The following GAS2 variants were observed in gnomAD, a reference collection of about 807,000 sequenced individuals.
GAS2 encodes the protein growth arrest specific 2.
A neutral mutation model predicts 37.5 loss-of-function variants in GAS2; 20 were observed. The ratio of observed to expected loss-of-function variants is 0.53; its 90% CI spans 0.37 to 0.77. GAS2 has a LOEUF of 0.77. Ranked by LOEUF, GAS2 falls within the 30% of genes least tolerant of loss-of-function variation. The pLI, the probability that GAS2 is intolerant of heterozygous loss-of-function variation, is 0.00. For missense variants in GAS2, 336 were observed against 373.4 expected, an observed-to-expected ratio of 0.90 and a Z score of 0.82; for synonymous variants, 144 against 132.2, an observed-to-expected ratio of 1.09 and a Z score of -0.61.
chr11:22,667,517 C>G (rs1014297696), intron 1 of GAS2, among the ~76,000 whole-genome samples: 5 of 152,146 alleles, frequency 3.3e-5, no homozygotes, highest in African/African-American at 1.2e-4. Context: ...TATCAACACA[C>G]TTTGGGGAGA....
chr11:22,681,152 G>T (rs1467102945), intron 2 of GAS2, among the ~76,000 whole-genome samples: 3 of 152,138 alleles, frequency 2.0e-5, no homozygotes, highest in Non-Finnish European at 4.4e-5. Context: ...AAGATTAAAA[G>T]GATTATTTTT....
rs184076913 is a variant in GAS2 at position 22,812,296 on chromosome 11, G to T, written c.*280G>T. 1 of 288,828 alleles carries T rather than the reference G, an allele frequency of 3.5e-6. No homozygotes were observed. Among genetic ancestry groups the T allele is most frequent in the Non-Finnish European group, 6.4e-6 (1 of 155,190 alleles). The allele number at this position is 288,828 out of a possible 1,614,324, so 17.9% of individuals were successfully genotyped here. The stretch of plus-strand genomic sequence containing the variant: ...ACACAGTATTTAGAACACAATATTA[G>T]AAACACAATTCTAACTAAAGATAAA... On this transcript the variant is annotated 3_prime_UTR_variant, in exon 8 of 8. Coordinates refer to ENST00000454584, the MANE Select transcript of GAS2 (RefSeq NM_001143830.3).
At chr11:22,640,930 G>A (rs1244442143) in intron 1 of GAS2, among the ~76,000 whole-genome samples, 2 of 152,010 alleles carry the variant, frequency 1.3e-5, no homozygotes, top group African/African-American at 4.8e-5. Context: ...CTAAATTTGT[G>A]TAAATAGGAC....
At chr11:22,670,660 C>A (rs1387342411) in intron 1 of GAS2, among the ~76,000 whole-genome samples, 4 of 152,008 alleles carry the variant, frequency 2.6e-5, no homozygotes, top group Admixed American at 6.5e-5. Flanking sequence ...CAAGCATTGG[C>A]ACAAATATTT....
intron 1 of GAS2, among the ~76,000 whole-genome samples, chr11:22,633,859 C>G (rs1172707131): frequency 6.6e-6 from 1 of 152,158 alleles, no homozygotes; most frequent in East Asian, 1.9e-4. Flanking sequence ...ATGACTCTAT[C>G]CCTCATGTAA....
intron 1 of GAS2, among the ~76,000 whole-genome samples, chr11:22,654,106 A>G (rs1848829113): frequency 6.6e-6 from 1 of 152,220 alleles, no homozygotes; most frequent in Non-Finnish European, 1.5e-5. Flanking sequence ...TAAACCCACA[A>G]TACAGTGCTT....
intron 3 of GAS2, among the ~76,000 whole-genome samples, chr11:22,714,574 ATTCTT>A (rs1851569982): frequency 6.6e-6 from 1 of 152,196 alleles, no homozygotes; most frequent in African/African-American, 2.4e-5. Flanking sequence ...CAGAATAAAG[ATTCTT>A]TTCTTCAACA....
chr11:22,756,072 G>A (rs1854019444), intron 7 of GAS2, 119 bp downstream of exon 7: 1 of 663,226 alleles, frequency 1.5e-6, no homozygotes, highest in African/African-American at 1.8e-5. Context: ...AAGATACATG[G>A]TATGAATTTT....
chr11:22,789,827 T>C (rs191508722), intron 7 of GAS2, among the ~76,000 whole-genome samples: 65 of 152,126 alleles, frequency 4.3e-4, no homozygotes, highest in African/African-American at 1.5e-3. Context: ...TCTCTCTATA[T>C]AGAGAGATAT....
intron 5 of GAS2, among the ~76,000 whole-genome samples, chr11:22,747,982 ATTAC>A (rs137889126): frequency 0.014 from 2,095 of 152,206 alleles, 55 homozygotes; most frequent in African/African-American, 0.048. Flanking sequence ...GAATAGGACA[ATTAC>A]TTAAGGTTAA....
chr11:22,649,231 G>A (rs1166268499), intron 1 of GAS2, among the ~76,000 whole-genome samples: 14 of 152,080 alleles, frequency 9.2e-5, no homozygotes, highest in African/African-American at 1.7e-4. Flanking sequence ...ATTGATTTGC[G>A]TATATTGAAC....
At chr11:22,647,967 C>G (rs926256985) in intron 1 of GAS2, among the ~76,000 whole-genome samples, 1 of 152,058 alleles carries the variant, frequency 6.6e-6, no homozygotes, top group African/African-American at 2.4e-5. Context: ...GTTGCCATTG[C>G]TTTTGGTGTT....
upstream of GAS2, among the ~76,000 whole-genome samples, chr11:22,661,927 T>C (rs1848921547): frequency 6.6e-6 from 1 of 152,156 alleles, no homozygotes; most frequent in Admixed American, 6.6e-5. Flanking sequence ...TAAAATTGAA[T>C]AGCATAGAAG....
At chr11:22,725,326 G>A (rs1852149727) in intron 3 of GAS2, among the ~76,000 whole-genome samples, 1 of 152,046 alleles carries the variant, frequency 6.6e-6, no homozygotes, top group Admixed American at 6.6e-5. Context: ...TGTAAACCAT[G>A]CATTTCAAGG....
chr11:22,686,940 T>C (rs1312288404), intron 3 of GAS2, among the ~76,000 whole-genome samples: 2 of 152,134 alleles, frequency 1.3e-5, no homozygotes, highest in African/African-American at 2.4e-5. Flanking sequence ...TTTTTTTATT[T>C]CTTAAAAGCA....
At chr11:22,650,331 C>T (rs1456887471) in intron 1 of GAS2, among the ~76,000 whole-genome samples, 1 of 150,676 alleles carries the variant, frequency 6.6e-6, no homozygotes, top group Non-Finnish European at 1.5e-5. Context: ...GAGAGCTTTA[C>T]TTCCAAGTAT....
At chr11:22,688,490 CA>C (rs1351081736) in intron 3 of GAS2, 17 of 151,746 alleles carry the variant, frequency 1.1e-4, no homozygotes, top group African/African-American at 3.1e-4. Flanking sequence ...CTGCTATGTG[CA>C]AATATGTATA....
intron 7 of GAS2, among the ~76,000 whole-genome samples, chr11:22,806,284 T>C (rs1327759854): frequency 6.6e-6 from 1 of 152,174 alleles, no homozygotes. Flanking sequence ...GATTTTCTTC[T>C]GTATTATGGC....
intron 3 of GAS2, among the ~76,000 whole-genome samples, chr11:22,705,153 GT>G (rs756493772): frequency 4.3e-4 from 65 of 152,196 alleles, no homozygotes; most frequent in Non-Finnish European, 8.2e-4. Flanking sequence ...TATATGCACT[GT>G]TCCTTGGTGA....
Sources: allele counts gnomAD v4.1 joint callset (sites outside exome capture counted in the v4.1 genomes callset), GRCh38; gene constraint gnomAD v4.1.1; transcripts MANE v1.5; gene names NCBI Gene and HGNC (gene_info 2026-07-23, HGNC 2026-07-21).